PDZRN4: variants seen among roughly 807,000 people sequenced by gnomAD.
PDZRN4 encodes PDZ domain-containing RING finger protein 4.
Under a neutral mutation model 99.0 loss-of-function variants are expected in PDZRN4, and 70 were observed. That is an observed-to-expected ratio of 0.71 (90% CI 0.58 to 0.86). The LOEUF (loss-of-function observed/expected upper bound fraction) is 0.86. PDZRN4 is among the 40% of genes least tolerant of loss of function. The pLI is 0.00. For synonymous variants in PDZRN4, 551 were observed against 501.6 expected, an observed-to-expected ratio of 1.10 and a Z score of -1.32; for missense variants, 1,474 against 1,331.2, an observed-to-expected ratio of 1.11 and a Z score of -1.67.
intron 3 of PDZRN4, among the ~76,000 whole-genome samples, chr12:41,296,707 C>T (rs1951496939): frequency 6.6e-6 from 1 of 152,148 alleles, no homozygotes; most frequent in African/African-American, 2.4e-5. Context: ...CACCTGTAAT[C>T]CCAGCAACTT....
chr12:41,379,329 G>A (rs1221980717), intron 3 of PDZRN4, among the ~76,000 whole-genome samples: 1 of 136,946 alleles, frequency 7.3e-6, no homozygotes. Flanking sequence ...CCTTCATTTT[G>A]TTGACCTTTT....
At chr12:41,395,715 G>T (rs1373900859) in intron 3 of PDZRN4, among the ~76,000 whole-genome samples, 1 of 152,004 alleles carries the variant, frequency 6.6e-6, no homozygotes, top group Non-Finnish European at 1.5e-5. Flanking sequence ...TTTACCTTAG[G>T]CTTCAGCTGA....
chr12:41,271,782 T>C (rs1355003736), intron 3 of PDZRN4, among the ~76,000 whole-genome samples: 2 of 152,092 alleles, frequency 1.3e-5, no homozygotes, highest in East Asian at 3.8e-4. Context: ...TGCAGCACAT[T>C]AGTAAGCAAA....
intron 3 of PDZRN4, among the ~76,000 whole-genome samples, chr12:41,443,058 G>A (rs1431670446): frequency 6.6e-6 from 1 of 152,128 alleles, no homozygotes; most frequent in Non-Finnish European, 1.5e-5. Flanking sequence ...CTCTAGACAT[G>A]TGGTTCAGTT....
intron 3 of PDZRN4, among the ~76,000 whole-genome samples, chr12:41,282,766 A>T (rs1470038806): frequency 1.3e-5 from 2 of 152,214 alleles, no homozygotes; most frequent in East Asian, 3.8e-4. Flanking sequence ...CTGCTCCTGA[A>T]TGACTACTGG....
intron 3 of PDZRN4, among the ~76,000 whole-genome samples, chr12:41,454,283 G>A (rs1270155405): frequency 6.6e-6 from 1 of 152,130 alleles, no homozygotes; most frequent in African/African-American, 2.4e-5. Context: ...TGTGTTAGGG[G>A]AAAAATAAAG....
intron 3 of PDZRN4, among the ~76,000 whole-genome samples, chr12:41,379,814 T>C (rs1952110104): frequency 6.6e-6 from 1 of 152,048 alleles, no homozygotes; most frequent in Admixed American, 6.6e-5. Context: ...GAGAAGAATG[T>C]GTATTTTGCT....
rs929920071 is a variant in PDZRN4 at position 41,425,516 on chromosome 12, C to T, written c.844-80940C>T. Among the ~76,000 whole-genome samples the T allele has an allele frequency of 2.6e-5, 4 of 152,002 alleles. No individual in the cohort carries two copies. The East Asian group carries it at 7.7e-4, about 29-fold the overall frequency. ...ATGGTGTTCCTGTACAGAATTTCCA[C>T]ACCAATGCATAAAGGAGAGGTCTTC... is the stretch of plus-strand genomic sequence containing the variant. On this transcript the variant is annotated intron_variant, in intron 3 of 9. Transcript: ENST00000402685.
chr12:41,451,084 T>A (rs1039392677), intron 3 of PDZRN4, among the ~76,000 whole-genome samples: 6 of 151,970 alleles, frequency 3.9e-5, no homozygotes, highest in African/African-American at 1.4e-4. Context: ...AACTTTCTCT[T>A]TAATACAGTT....
At chr12:41,336,728 G>T (rs1006390916) in intron 3 of PDZRN4, among the ~76,000 whole-genome samples, 2 of 152,000 alleles carry the variant, frequency 1.3e-5, no homozygotes, top group Non-Finnish European at 2.9e-5. Flanking sequence ...TGGTGGGTTG[G>T]GGCTTGGGAA....
At chr12:41,201,661 C>T (rs1386413875) in intron 3 of PDZRN4, among the ~76,000 whole-genome samples, 4 of 151,946 alleles carry the variant, frequency 2.6e-5, no homozygotes, top group Admixed American at 6.6e-5. Flanking sequence ...TTTCAACATC[C>T]CTGAAATTTT....
intron 3 of PDZRN4, among the ~76,000 whole-genome samples, chr12:41,399,846 C>T (rs1291319400): frequency 1.3e-5 from 2 of 151,656 alleles, no homozygotes; most frequent in South Asian, 2.1e-4. Context: ...ATGGGTTTTT[C>T]GTTTTTAGGG....
intron 3 of PDZRN4, among the ~76,000 whole-genome samples, chr12:41,240,295 C>T (rs1036504506): frequency 2.6e-5 from 4 of 152,060 alleles, no homozygotes; most frequent in South Asian, 2.1e-4. Context: ...TCTTCATCAA[C>T]GACATAATGA....
rs118119949 is a variant in PDZRN4, at chr12:41,542,527, A to G, written c.1204-10129A>G. On this transcript the variant is annotated intron_variant, in intron 5 of 9. Transcript: ENST00000402685. ...ATCTGGATAATACGCTTCATTCAGC[A>G]TCTCTCTCCCATTCAGTGATTCTGC... Among the ~76,000 whole-genome samples the G allele has an allele frequency of 8.9e-3, 1,352 of 152,288 alleles. 12 individuals carry two copies. The highest frequency in any genetic ancestry group is 0.014 in the Non-Finnish European group (976 of 68,028).
intron 3 of PDZRN4, among the ~76,000 whole-genome samples, chr12:41,276,469 ATATGAAATATGAATATATT>A (rs1951350645): frequency 2.0e-5 from 3 of 152,074 alleles, no homozygotes. Context: ...TCATATATTT[ATATGAAATATGAATATATT>A]TATGAAATAT....
intron 3 of PDZRN4, among the ~76,000 whole-genome samples, chr12:41,457,758 C>T (rs1952828652): frequency 6.6e-6 from 1 of 152,146 alleles, no homozygotes; most frequent in African/African-American, 2.4e-5. Flanking sequence ...GCATTAGTAA[C>T]TTTTTGGTGA....
chr12:41,229,936 T>A (rs1191379054), intron 3 of PDZRN4, among the ~76,000 whole-genome samples: 2 of 152,082 alleles, frequency 1.3e-5, no homozygotes, highest in African/African-American at 4.8e-5. Flanking sequence ...GTTGGTGGAC[T>A]TAGTGGTTTT....
intron 3 of PDZRN4, among the ~76,000 whole-genome samples, chr12:41,301,610 T>G (rs1405555): frequency 0.043 from 6,585 of 152,178 alleles, 279 homozygotes; most frequent in East Asian, 0.12. Flanking sequence ...TTAATCATAC[T>G]ACATATTATA....
chr12:41,552,560 C>A, intron 5 of PDZRN4, 96 bp from the exon 6 acceptor site: 1 of 836,260 alleles, frequency 1.2e-6, no homozygotes, highest in Non-Finnish European at 1.9e-6. Flanking sequence ...ATTATTAATA[C>A]TTGCCAGAGT....
Sources: gnomAD v4.1 joint callset for allele counts (sites outside exome capture counted in the v4.1 genomes callset) on GRCh38, gnomAD v4.1.1 for gene constraint, MANE v1.5 for transcripts, NCBI Gene and HGNC (gene_info 2026-07-23, HGNC 2026-07-21) for gene names.